CCR3: variants seen among roughly 807,000 people sequenced by gnomAD.
CCR3 encodes C-C motif chemokine receptor 3.
For missense variants in CCR3, 419 were observed against 437.5 expected, an observed-to-expected ratio of 0.96 and a Z score of 0.38; for synonymous variants, 203 against 179.2, an observed-to-expected ratio of 1.13 and a Z score of -1.06.
intron 1 of CCR3, among the ~76,000 whole-genome samples, chr3:46,247,450 T>C (rs1297234003): frequency 6.6e-6 from 1 of 152,158 alleles, no homozygotes; most frequent in East Asian, 1.9e-4. Context: ...GGTGAAAGTA[T>C]TGTCCAGTTC....
chr3:46,244,927 G>A (rs975628753), intron 1 of CCR3, among the ~76,000 whole-genome samples: 2 of 152,134 alleles, frequency 1.3e-5, no homozygotes, highest in Non-Finnish European at 1.5e-5. Flanking sequence ...TCTGGTCATG[G>A]TGACTATCCC....
chr3:46,227,819 A>G (rs1298315632), intron 2 of CCR3, among the ~76,000 whole-genome samples: 1 of 152,172 alleles, frequency 6.6e-6, no homozygotes, highest in African/African-American at 2.4e-5. Flanking sequence ...TCAAGTGTTT[A>G]GAGATTTTCC....
chr3:46,220,587 A>C (rs1699825529), intron 2 of CCR3, among the ~76,000 whole-genome samples: 1 of 152,244 alleles, frequency 6.6e-6, no homozygotes, highest in Non-Finnish European at 1.5e-5. Flanking sequence ...CAATTGCAAA[A>C]ATATGGAACC....
intron 2 of CCR3, among the ~76,000 whole-genome samples, chr3:46,237,178 C>A (rs780332053): frequency 6.6e-6 from 1 of 152,158 alleles, no homozygotes; most frequent in East Asian, 1.9e-4. Context: ...GCAGTAAACA[C>A]GGTGGTGCAG....
At chr3:46,232,643 G>A (rs1486971120) in intron 2 of CCR3, among the ~76,000 whole-genome samples, 2 of 152,084 alleles carry the variant, frequency 1.3e-5, no homozygotes, top group Admixed American at 6.5e-5. Flanking sequence ...CCGGTGGTTT[G>A]CCCCATCCTT....
rs538676682 is a variant in CCR3 at position 46,261,958 on chromosome 3, C to A, written c.-11-3190C>A. On this transcript the variant is annotated intron_variant, in intron 1 of 1. Transcript: ENST00000395940. The stretch of plus-strand genomic sequence containing the variant: ...TAGCTACAAACCACCACAGCAGGTT[C>A]CAGAAAAAGGCTCAGCGTTGGAACC... Among the ~76,000 whole-genome samples, 124 of 152,266 alleles carry A rather than the reference C, an allele frequency of 8.1e-4. 1 individual carries two copies. The highest frequency in any genetic ancestry group is 2.9e-3 in the African/African-American group (120 of 41,562).
intron 1 of CCR3, among the ~76,000 whole-genome samples, chr3:46,262,776 C>A (rs928974313): frequency 6.6e-6 from 1 of 152,118 alleles, no homozygotes; most frequent in Non-Finnish European, 1.5e-5. Context: ...CACCTCAGCC[C>A]CCCAAGTAGT....
intron 1 of CCR3, among the ~76,000 whole-genome samples, chr3:46,252,830 A>G (rs572694954): frequency 1.3e-5 from 2 of 152,274 alleles, no homozygotes; most frequent in African/African-American, 2.4e-5. Flanking sequence ...AGAACTTGCA[A>G]CTAAGGATAT....
chr3:46,246,462 G>A (rs747999182), intron 1 of CCR3, among the ~76,000 whole-genome samples: 38 of 152,014 alleles, frequency 2.5e-4, no homozygotes, highest in Non-Finnish European at 4.3e-4. Context: ...GTTCTCTGGC[G>A]GGCAGGAGTG....
intron 2 of CCR3, among the ~76,000 whole-genome samples, chr3:46,234,734 AT>A (rs1700006183): frequency 6.6e-6 from 1 of 152,168 alleles, no homozygotes. Context: ...TTTATCCCAA[AT>A]TTATGTTTTC....
chr3:46,239,113 C>T (rs1045510376), upstream of CCR3, among the ~76,000 whole-genome samples: 4 of 152,156 alleles, frequency 2.6e-5, no homozygotes, highest in Non-Finnish European at 4.4e-5. Flanking sequence ...AACTGAAAAA[C>T]TAATGAGGGA....
intron 2 of CCR3, among the ~76,000 whole-genome samples, chr3:46,222,283 C>T (rs1406122394): frequency 6.6e-6 from 1 of 152,114 alleles, no homozygotes; most frequent in Non-Finnish European, 1.5e-5. Flanking sequence ...ATGGGGGTTT[C>T]ATGGGGATAG....
At chr3:46,234,080 G>A (rs1699997145) in intron 2 of CCR3, among the ~76,000 whole-genome samples, 1 of 152,248 alleles carries the variant, frequency 6.6e-6, no homozygotes, top group African/African-American at 2.4e-5. Flanking sequence ...CATCAGGCCG[G>A]CACTGCTCAG....
intron 1 of CCR3, among the ~76,000 whole-genome samples, chr3:46,261,892 C>A (rs571664906): frequency 6.6e-6 from 1 of 152,298 alleles, no homozygotes; most frequent in African/African-American, 2.4e-5. Flanking sequence ...CTCTCCATTC[C>A]AGCCCAAGGA....
At chr3:46,213,878 C>G (rs1699744576) in intron 2 of CCR3, among the ~76,000 whole-genome samples, 1 of 152,182 alleles carries the variant, frequency 6.6e-6, no homozygotes, top group South Asian at 2.1e-4. Flanking sequence ...TTCCCATCAT[C>G]TTAAAAATCC....
chr3:46,261,010 C>T lies in CCR3; in HGVS notation c.-11-4138C>T, dbSNP rs1343790873. ...TCTCTCTCTCATTCTTTCTCTCCCT[C>T]CTACTTTCTATGTTCATTTAACTTT... On this transcript the variant is annotated intron_variant, in intron 1 of 1. Coordinates refer to ENST00000395940, the MANE Select transcript of CCR3 (RefSeq NM_178329.3). Among the ~76,000 whole-genome samples, 8 of 152,326 alleles carry T rather than the reference C, an allele frequency of 5.3e-5. No homozygotes were observed. The East Asian group carries it at 1.5e-3, about 29-fold the overall frequency.
At chr3:46,262,014 T>TATAA (rs1340373613) in intron 1 of CCR3, among the ~76,000 whole-genome samples, 3 of 152,144 alleles carry the variant, frequency 2.0e-5, no homozygotes, top group African/African-American at 7.2e-5. Context: ...ACACCAGTCA[T>TATAA]ATAAATCAAG....
At chr3:46,242,806 T>C (rs1395797450) in intron 1 of CCR3, among the ~76,000 whole-genome samples, 2 of 151,698 alleles carry the variant, frequency 1.3e-5, no homozygotes, top group Admixed American at 6.6e-5. Flanking sequence ...CCTTTATACC[T>C]CTTTAGTCAA....
At chr3:46,243,011 A>G (rs1219362104) in intron 1 of CCR3, among the ~76,000 whole-genome samples, 1 of 146,924 alleles carries the variant, frequency 6.8e-6, no homozygotes, top group Non-Finnish European at 1.5e-5. Context: ...ATACGCACAC[A>G]CACATACATT....
Sources: gnomAD v4.1 joint callset for allele counts (sites outside exome capture counted in the v4.1 genomes callset) on GRCh38, gnomAD v4.1.1 for gene constraint, MANE v1.5 for transcripts, NCBI Gene and HGNC (gene_info 2026-07-23, HGNC 2026-07-21) for gene names.